VSTM5: variants seen among roughly 807,000 people sequenced by gnomAD.
VSTM5 encodes the protein V-set and transmembrane domain containing 5.
Under a neutral mutation model 20.3 loss-of-function variants are expected in VSTM5, and 21 were observed. That is an observed-to-expected ratio of 1.03 (90% CI 0.73 to 1.49). VSTM5 has a LOEUF of 1.49. VSTM5 is among the 40% of genes most tolerant of loss of function. The pLI is 0.00. For synonymous variants in VSTM5, 100 were observed against 102.5 expected (o/e 0.98, Z 0.14); for missense variants, 219 against 250.0 (o/e 0.88, Z 0.84).
rs1335372407 is a variant in VSTM5 at position 93,850,513 on chromosome 11, G to A, written c.-11C>T. On this transcript the variant is annotated 5_prime_UTR_variant, in exon 1 of 4. Transcript: ENST00000409977. Reference sequence around the variant, plus strand: ...GGGCAGAGGCCTCATGGGCGAGCCCGGGGCCTCGCGGGCCGGGGTGTGTGC... The same window carrying A: ...GGGCAGAGGCCTCATGGGCGAGCCCAGGGCCTCGCGGGCCGGGGTGTGTGC... The A allele has an allele frequency of 6.5e-7, 1 of 1,545,342 alleles. No homozygotes were observed. The highest frequency in any genetic ancestry group is 8.7e-7 in the Non-Finnish European group (1 of 1,144,096).
chr11:93,820,937 A>C (rs926546459), intron 2 of VSTM5, 54 bp from the exon 3 acceptor site: 4 of 1,550,742 alleles, frequency 2.6e-6, no homozygotes, highest in Non-Finnish European at 3.5e-6. Context: ...TAATATCGTG[A>C]AATTGGCCTC....
At chr11:93,834,576 A>G (rs1313246329) in intron 1 of VSTM5, among the ~76,000 whole-genome samples, 1 of 134,162 alleles carries the variant, frequency 7.5e-6, no homozygotes, top group African/African-American at 2.8e-5. Context: ...CAGGAATTCG[A>G]GACTAACTTG....
chr11:93,847,385 A>T (rs1944422564), intron 1 of VSTM5, among the ~76,000 whole-genome samples: 1 of 151,920 alleles, frequency 6.6e-6, no homozygotes, highest in African/African-American at 2.4e-5. Context: ...CCCACCTTCC[A>T]CTAAGCCCAG....
At chr11:93,846,782 T>G (rs112546841) in intron 1 of VSTM5, among the ~76,000 whole-genome samples, 1,490 of 147,026 alleles carry the variant, frequency 0.01, 15 homozygotes, top group African/African-American at 0.029. Context: ...TTTTTTTTTT[T>G]TTTGAGATGG....
intron 1 of VSTM5, among the ~76,000 whole-genome samples, chr11:93,823,350 T>G (rs1944205955): frequency 6.6e-6 from 1 of 152,142 alleles, no homozygotes; most frequent in African/African-American, 2.4e-5. Context: ...TTTTTTAAAT[T>G]TAATTGACAA....
chr11:93,849,743 G>A (rs1404438975), intron 1 of VSTM5, among the ~76,000 whole-genome samples: 1 of 152,232 alleles, frequency 6.6e-6, no homozygotes, highest in Non-Finnish European at 1.5e-5. Flanking sequence ...GTGTCCAAGA[G>A]AGCCTCTGGG....
chr11:93,850,390 C>T (rs1053497644), intron 1 of VSTM5, 22 bp downstream of exon 1: 7 of 1,545,546 alleles, frequency 4.5e-6, no homozygotes, highest in Middle Eastern at 1.7e-4. Flanking sequence ...CCCCAGCACC[C>T]GGGGCGTCCC....
rs1944158553 is a variant in VSTM5 at position 93,819,203 on chromosome 11, A to G, written c.*1366T>C. ...TGTTCTAAGACTTCTTAACCTTTGCATGGGTGAATTTGCAACTGAGGACTA... is the reference window on the plus strand; with the variant it reads ...TGTTCTAAGACTTCTTAACCTTTGCGTGGGTGAATTTGCAACTGAGGACTA... On this transcript the variant is annotated 3_prime_UTR_variant, in exon 4 of 4. Transcript: ENST00000409977. 1 of 152,294 alleles carries G rather than the reference A, an allele frequency of 6.6e-6. No individual in the cohort carries two copies. Among genetic ancestry groups the G allele is most frequent in the South Asian group, 2.1e-4 (1 of 4,834 alleles). 9.4% of individuals were successfully genotyped at this position (152,294 alleles called of 1,614,324 possible).
In VSTM5 at chr11:93,820,906, G is replaced by C. The variant is rs1459975554; in HGVS notation, c.419-23C>G. On this transcript the variant is annotated intron_variant, in intron 2 of 3. Coordinates refer to ENST00000409977, the MANE Select transcript of VSTM5 (RefSeq NM_001144871.2). Reference sequence around the variant, plus strand: ...TCTCTATGGAGTGAGGGTGAGGGGAGGGGGAAGACAACATTTCTTTTAATA... The same window carrying C: ...TCTCTATGGAGTGAGGGTGAGGGGACGGGGAAGACAACATTTCTTTTAATA... 7.7e-6 allele frequency: 12 copies of C among 1,550,896 alleles called. No homozygotes were observed. The East Asian group carries it at 2.9e-4, about 38-fold the overall frequency.
At chr11:93,829,011 G>C (rs972106866) in intron 1 of VSTM5, among the ~76,000 whole-genome samples, 7 of 152,190 alleles carry the variant, frequency 4.6e-5, no homozygotes, top group African/African-American at 1.7e-4. Context: ...TCTCCTGCGA[G>C]GATGAGGGTC....
intron 1 of VSTM5, among the ~76,000 whole-genome samples, chr11:93,841,778 A>C (rs1335578102): frequency 6.6e-6 from 1 of 152,222 alleles, no homozygotes; most frequent in Non-Finnish European, 1.5e-5. Flanking sequence ...GTGATGCAGC[A>C]CTTCTTATCT....
chr11:93,844,748 G>T (rs1944400226), intron 1 of VSTM5, among the ~76,000 whole-genome samples: 1 of 152,096 alleles, frequency 6.6e-6, no homozygotes, highest in African/African-American at 2.4e-5. Flanking sequence ...ATTCCAAACC[G>T]AGCTAACTGC....
intron 1 of VSTM5, among the ~76,000 whole-genome samples, chr11:93,841,552 A>C (rs1261784100): frequency 1.3e-5 from 2 of 152,188 alleles, no homozygotes; most frequent in African/African-American, 2.4e-5. Flanking sequence ...TGATCACTGA[A>C]CCAGATTGCA....
chr11:93,839,901 C>T (rs1303449264), intron 1 of VSTM5, among the ~76,000 whole-genome samples: 2 of 152,170 alleles, frequency 1.3e-5, no homozygotes, highest in Non-Finnish European at 2.9e-5. Flanking sequence ...TCTAATATGA[C>T]CCTTCTAAAA....
chr11:93,836,135 C>T (rs1944320808), intron 1 of VSTM5, among the ~76,000 whole-genome samples: 1 of 152,114 alleles, frequency 6.6e-6, no homozygotes, highest in Admixed American at 6.6e-5. Context: ...TCAATTTTAC[C>T]TCCAACATGT....
At position 93,820,819 on chromosome 11, in the gene VSTM5, T is replaced by G. The variant is rs1264493887; in HGVS notation, c.483A>C (p.Ala161=). Residue 161 remains alanine (A), a synonymous_variant, in exon 3 of 4, where the codon GCA becomes GCC. Transcript: ENST00000409977. The stretch of plus-strand genomic sequence containing the variant: ...AAACCCACATGAGGCTGATTAATAC[T>G]GCGGCCACAGCAGCGAGAAAAGCAA... ...VILAFLAAVA[A]VLISLMWVCN... 6.4e-7 allele frequency: 1 copy of G among 1,550,952 alleles called. No homozygotes were observed. The highest frequency in any genetic ancestry group is 8.7e-7 in the Non-Finnish European group (1 of 1,147,018).
chr11:93,830,183 C>T (rs1429939020), intron 1 of VSTM5, among the ~76,000 whole-genome samples: 3 of 152,108 alleles, frequency 2.0e-5, no homozygotes, highest in Non-Finnish European at 2.9e-5. Context: ...ACAGGACCCA[C>T]GAGGATGTTC....
At chr11:93,849,814 ATCTAC>A (rs1591406019) in intron 1 of VSTM5, among the ~76,000 whole-genome samples, 1 of 152,220 alleles carries the variant, frequency 6.6e-6, no homozygotes, top group African/African-American at 2.4e-5. Flanking sequence ...TCCAAAGCAA[ATCTAC>A]TCAGTGCGCT....
intron 1 of VSTM5, among the ~76,000 whole-genome samples, chr11:93,841,971 G>A (rs1367837757): frequency 1.3e-5 from 2 of 152,204 alleles, no homozygotes; most frequent in African/African-American, 4.8e-5. Flanking sequence ...ACAACTGTGT[G>A]AACTGGGGTA....
Sources: gnomAD v4.1 joint callset for allele counts (sites outside exome capture counted in the v4.1 genomes callset) on GRCh38, gnomAD v4.1.1 for gene constraint, MANE v1.5 for transcripts, NCBI Gene and HGNC (gene_info 2026-07-23, HGNC 2026-07-21) for gene names.